Variants in NCKAP1L observed in about 807,000 individuals in gnomAD.
NCKAP1L encodes nck-associated protein 1-like.
NCKAP1L carries 53 observed loss-of-function variants against 139.2 expected under a neutral mutation model. The observed-to-expected ratio is 0.38, with a 90% confidence interval of 0.31 to 0.48. The LOEUF is 0.48. Ranked by LOEUF, NCKAP1L falls within the 20% of genes least tolerant of loss-of-function variation. The pLI is 0.98. For synonymous variants in NCKAP1L, 468 were observed against 499.7 expected, an observed-to-expected ratio of 0.94 and a Z score of 0.85; for missense variants, 1,151 against 1,381.9, an observed-to-expected ratio of 0.83 and a Z score of 2.65.
intron 9 of NCKAP1L, among the ~76,000 whole-genome samples, chr12:54,514,058 C>T (rs1956910437): frequency 6.6e-6 from 1 of 150,750 alleles, no homozygotes; most frequent in Non-Finnish European, 1.5e-5. Context: ...TTTTAAAAAG[C>T]AATGGAGCCA....
intron 16 of NCKAP1L, among the ~76,000 whole-genome samples, chr12:54,520,408 G>A (rs941910208): frequency 2.4e-4 from 37 of 152,304 alleles, no homozygotes; most frequent in Non-Finnish European, 4.9e-4. Context: ...GGGAAGAATA[G>A]CAAATTTTGT....
intron 30 of NCKAP1L, among the ~76,000 whole-genome samples, chr12:54,541,192 T>A (rs144936487): frequency 2.0e-4 from 30 of 152,306 alleles, no homozygotes; most frequent in Middle Eastern, 3.4e-3. Context: ...ATTAGTCCAG[T>A]ACTTACAAGT....
intron 9 of NCKAP1L, 37 bp from the exon 10 acceptor site, chr12:54,516,202 G>T (rs535641143): frequency 1.9e-6 from 3 of 1,611,574 alleles, no homozygotes; most frequent in South Asian, 1.1e-5. Flanking sequence ...CTAATGGGTA[G>T]CATGGTCAAC....
At chr12:54,532,493 AG>A (rs779000614) in intron 26 of NCKAP1L, among the ~76,000 whole-genome samples, 39 of 152,018 alleles carry the variant, frequency 2.6e-4, no homozygotes, top group Non-Finnish European at 5.0e-4. Context: ...ACATTACTGG[AG>A]GGGGAGGGGT....
rs1956777034 is a variant in NCKAP1L at position 54,499,261 on chromosome 12, C to CCAA, written c.103-93_103-92insAAC. On this transcript the variant is annotated intron_variant, in intron 1 of 30. Coordinates refer to ENST00000293373, the MANE Select transcript of NCKAP1L (RefSeq NM_005337.5). ...TAAATTAGTTCCCAGGTTGCCTTTT[C>CCAA]CTAAGACAGATTATGAGAATGAATG... The CCAA allele has an allele frequency of 3.7e-6, 3 of 800,380 alleles. No homozygotes were observed. The East Asian group carries it at 7.7e-5, about 21-fold the overall frequency. The allele number at this position is 800,380 out of a possible 1,614,324, so 49.6% of individuals were successfully genotyped here.
intron 9 of NCKAP1L, among the ~76,000 whole-genome samples, chr12:54,515,476 A>G (rs1346630133): frequency 1.3e-5 from 2 of 152,230 alleles, no homozygotes; most frequent in African/African-American, 4.8e-5. Flanking sequence ...ATTAAAAACA[A>G]TGAAAAGGCC....
intron 1 of NCKAP1L, 67 bp from the exon 2 acceptor site, chr12:54,499,288 T>A: frequency 1.1e-6 from 1 of 909,714 alleles, no homozygotes; most frequent in South Asian, 1.3e-5. Context: ...GAATGAATGT[T>A]GCAAGAAGAG....
Position 54,506,793 on chromosome 12 carries a change from A to AT in NCKAP1L, c.307-1060_307-1059insT, listed in dbSNP as rs1565672849. Among the ~76,000 whole-genome samples, 522 of 80,502 alleles carry AT rather than the reference A, an allele frequency of 6.5e-3. 2 individuals are homozygous for AT. Among genetic ancestry groups the AT allele is most frequent in the South Asian group, 0.014 (28 of 2,054 alleles). 52.8% of individuals were successfully genotyped at this position (80,502 alleles called of 152,430 possible). A position where few individuals can be genotyped will look rare whatever the true frequency, so the allele number is the denominator to read the frequency against. ...ATCTTTTGGCAACATATTAAAAAAA[A>AT]AAAATATATATATATATATATATAT... On this transcript the variant is annotated intron_variant, in intron 3 of 30. Coordinates refer to ENST00000293373, the MANE Select transcript of NCKAP1L (RefSeq NM_005337.5).
intron 1 of NCKAP1L, 131 bp from the exon 2 acceptor site, chr12:54,499,224 T>C: frequency 3.3e-6 from 2 of 605,772 alleles, no homozygotes; most frequent in Admixed American, 2.7e-5. Context: ...GCGCCCAGCC[T>C]CTCATGCTTT....
intron 3 of NCKAP1L, among the ~76,000 whole-genome samples, chr12:54,503,792 C>T (rs1252266029): frequency 6.6e-6 from 1 of 151,876 alleles, no homozygotes; most frequent in Non-Finnish European, 1.5e-5. Flanking sequence ...GCACGTGCCA[C>T]CACGCCTCGT....
chr12:54,529,239 T>G (rs867415412), intron 22 of NCKAP1L, among the ~76,000 whole-genome samples: 77 of 152,200 alleles, frequency 5.1e-4, no homozygotes, highest in African/African-American at 1.7e-3. Flanking sequence ...ACTGGGGGCT[T>G]AAGCACTGTA....
rs369123941 is a variant in NCKAP1L at position 54,524,000 on chromosome 12, A to G, written c.2156+44A>G. On this transcript the variant is annotated intron_variant, in intron 20 of 30. Coordinates refer to ENST00000293373, the MANE Select transcript of NCKAP1L (RefSeq NM_005337.5). ...CCTCTGTTTGGACAGTAGTCTTCAT[A>G]CCCTACCATATACCTCTATGTGTAG... The G allele has an allele frequency of 6.8e-5, 108 of 1,590,058 alleles. No individual in the cohort carries two copies. The African/African-American group carries it at 1.3e-3, about 19-fold the overall frequency.
At chr12:54,519,031 C>T (rs1181208221) in intron 15 of NCKAP1L, 59 bp downstream of exon 15, 50 of 1,568,592 alleles carry the variant, frequency 3.2e-5, no homozygotes, top group Non-Finnish European at 4.3e-5. Flanking sequence ...CCCACAATCC[C>T]TTCTCTTTTT....
intron 26 of NCKAP1L, among the ~76,000 whole-genome samples, chr12:54,533,861 C>T (rs755072731): frequency 1.8e-4 from 28 of 152,312 alleles, no homozygotes; most frequent in Non-Finnish European, 1.9e-4. Context: ...TGAGCCATTG[C>T]TCTGGCCAGT....
At position 54,499,351 on chromosome 12, in the gene NCKAP1L, G is replaced by T; in HGVS notation, c.103-4G>T. On this transcript the variant is annotated splice_region_variant and splice_polypyrimidine_tract_variant and intron_variant, in intron 1 of 30. Transcript: ENST00000293373. ...GTTGAAATATATATGGTTTCTCTCT[G>T]CAGACTTGTTCAGACCCCAAATCTA... The T allele has an allele frequency of 6.6e-7, 1 of 1,512,874 alleles. No homozygotes were observed. Among genetic ancestry groups the T allele is most frequent in the Non-Finnish European group, 9.2e-7 (1 of 1,087,622 alleles). 93.7% of individuals were successfully genotyped at this position (1,512,874 alleles called of 1,614,324 possible). A position where few individuals can be genotyped will look rare whatever the true frequency, so the allele number is the denominator to read the frequency against.
chr12:54,503,424 T>C (rs1956816982), intron 3 of NCKAP1L, among the ~76,000 whole-genome samples: 1 of 151,968 alleles, frequency 6.6e-6, no homozygotes, highest in African/African-American at 2.4e-5. Flanking sequence ...AACAGAATTG[T>C]TTCATGGGGA....
In NCKAP1L at chr12:54,507,729, T is replaced by G. The variant is rs573300288; in HGVS notation, c.307-124T>G. On this transcript the variant is annotated intron_variant, in intron 3 of 30. Coordinates refer to ENST00000293373, the MANE Select transcript of NCKAP1L (RefSeq NM_005337.5). ...CTTCCTCCCTCTTTTTCACAGTGACTTTTCTCTGTTACTTGGTGGCTTTCT... is the reference window on the plus strand; with the variant it reads ...CTTCCTCCCTCTTTTTCACAGTGACGTTTCTCTGTTACTTGGTGGCTTTCT... 13 of 861,570 alleles carry G rather than the reference T, an allele frequency of 1.5e-5. No homozygotes were observed. The African/African-American group carries it at 2.2e-4, about 15-fold the overall frequency. The allele number at this position is 861,570 out of a possible 1,614,324, so 53.4% of individuals were successfully genotyped here. A position where few individuals can be genotyped will look rare whatever the true frequency, so the allele number is the denominator to read the frequency against.
intron 11 of NCKAP1L, among the ~76,000 whole-genome samples, 194 bp from the exon 12 acceptor site, chr12:54,517,339 G>C (rs1053439665): frequency 6.6e-6 from 1 of 152,176 alleles, no homozygotes; most frequent in African/African-American, 2.4e-5. Flanking sequence ...CTAATTGTGA[G>C]CCAGTGTCAA....
intron 3 of NCKAP1L, among the ~76,000 whole-genome samples, chr12:54,506,965 A>C (rs1386334501): frequency 1.3e-5 from 2 of 151,448 alleles, no homozygotes; most frequent in East Asian, 3.9e-4. Flanking sequence ...TGCAGCTATG[A>C]AAAAGGATGC....
Sources: allele counts gnomAD v4.1 joint callset (sites outside exome capture counted in the v4.1 genomes callset), GRCh38; gene constraint gnomAD v4.1.1; transcripts MANE v1.5; gene names NCBI Gene and HGNC (gene_info 2026-07-23, HGNC 2026-07-21).